Variants in B3GAT2 observed in about 807,000 individuals in gnomAD.
The protein encoded by B3GAT2 is beta-1,3-glucuronyltransferase 2.
In B3GAT2, 26 loss-of-function variants were observed where a neutral mutation model predicts 27.8. The observed-to-expected ratio is 0.93, with a 90% CI of 0.68 to 1.30. The LOEUF (loss-of-function observed/expected upper bound fraction) is 1.30. Ranked by LOEUF, B3GAT2 falls within the 50% of genes most tolerant of loss-of-function variation. B3GAT2 has a pLI of 0.00. For missense variants in B3GAT2, 458 were observed against 459.0 expected (o/e 1.00, Z 0.02); for synonymous variants, 218 against 195.1 (o/e 1.12, Z -0.98).
chr6:70,904,771 C>T (rs1252631607), intron 1 of B3GAT2, among the ~76,000 whole-genome samples: 2 of 152,118 alleles, frequency 1.3e-5, no homozygotes, highest in Non-Finnish European at 2.9e-5. Flanking sequence ...GTGTGTGTAG[C>T]TATTCTTGGG....
intron 1 of B3GAT2, among the ~76,000 whole-genome samples, chr6:70,954,915 C>T (rs964731464): frequency 1.7e-5 from 2 of 114,960 alleles, no homozygotes; most frequent in East Asian, 2.5e-4. Context: ...CCGGGGGCGG[C>T]GGGGGGGGGC....
At chr6:70,907,537 TTTCCTC>T (rs1481581792) in intron 1 of B3GAT2, among the ~76,000 whole-genome samples, 2 of 152,188 alleles carry the variant, frequency 1.3e-5, no homozygotes, top group East Asian at 1.9e-4. Flanking sequence ...GCTCAACACT[TTTCCTC>T]TTCCTAAGTT....
At chr6:70,942,555 G>A (rs1260586024) in intron 1 of B3GAT2, among the ~76,000 whole-genome samples, 1 of 152,002 alleles carries the variant, frequency 6.6e-6, no homozygotes, top group East Asian at 1.9e-4. Flanking sequence ...CTCCATTAGG[G>A]ACCTCTGCTT....
intron 1 of B3GAT2, among the ~76,000 whole-genome samples, chr6:70,926,827 G>T (rs1772969452): frequency 6.6e-6 from 1 of 152,070 alleles, no homozygotes; most frequent in Admixed American, 6.6e-5. Flanking sequence ...TACACAGAAC[G>T]CCACAAAGAT....
At position 70,861,474 on chromosome 6, in the gene B3GAT2, G is replaced by T. The variant is rs879580497; in HGVS notation, c.*189C>A. 74 of 589,584 alleles carry T rather than the reference G, an allele frequency of 1.3e-4. No individual in the cohort carries two copies. The highest frequency in any genetic ancestry group is 7.2e-4 in the Admixed American group (24 of 33,366). 36.5% of individuals were successfully genotyped at this position (589,584 alleles called of 1,614,324 possible). A position where few individuals can be genotyped will look rare whatever the true frequency, so the allele number is the denominator to read the frequency against. ...CAAATGAAGACAAAACATACATTTT[G>T]TACCAACCATCCAATTAGCTTATGT... On this transcript the variant is annotated 3_prime_UTR_variant, in exon 4 of 4. Coordinates refer to ENST00000230053, the MANE Select transcript of B3GAT2 (RefSeq NM_080742.3).
Position 70,858,022 on chromosome 6 carries a change from C to A in B3GAT2, c.*3641G>T. ...GCGTGCCTGTGCCTGCAGCTCCTGG[C>A]CTTATAGGAAATGTGATGGGACAGA... On this transcript the variant is annotated 3_prime_UTR_variant, in exon 4 of 4. Transcript: ENST00000230053. 1 of 1,614,124 alleles carries A rather than the reference C, an allele frequency of 6.2e-7. No homozygotes were observed. Among genetic ancestry groups the A allele is most frequent in the Non-Finnish European group, 8.5e-7 (1 of 1,180,014 alleles).
At chr6:70,955,779 C>T (rs1765644205) in intron 1 of B3GAT2, 60 bp downstream of exon 1, 2 of 1,484,868 alleles carry the variant, frequency 1.3e-6, no homozygotes, top group Non-Finnish European at 1.8e-6. Context: ...GACTGCAGCC[C>T]GGCCGGCCCG....
chr6:70,947,458 C>A (rs562832614), intron 1 of B3GAT2, among the ~76,000 whole-genome samples: 1 of 151,506 alleles, frequency 6.6e-6, no homozygotes. Context: ...AACACCTCTA[C>A]GCAAATAAAC....
chr6:70,940,375 A>C (rs1227100193), intron 1 of B3GAT2, among the ~76,000 whole-genome samples: 1 of 152,130 alleles, frequency 6.6e-6, no homozygotes. Context: ...GTGGACACAG[A>C]GAAGGCTGGC....
chr6:70,900,681 C>G (rs1772483521), intron 1 of B3GAT2, among the ~76,000 whole-genome samples: 1 of 152,216 alleles, frequency 6.6e-6, no homozygotes, highest in African/African-American at 2.4e-5. Context: ...AGATGGCTAA[C>G]AGCCAGCTCC....
intron 1 of B3GAT2, among the ~76,000 whole-genome samples, chr6:70,944,298 G>T (rs1349173429): frequency 6.6e-6 from 1 of 152,130 alleles, no homozygotes; most frequent in South Asian, 2.1e-4. Context: ...AAGCGCAAGG[G>T]GTCAGGGAGT....
chr6:70,899,696 T>C (rs1772462525), intron 1 of B3GAT2, among the ~76,000 whole-genome samples: 1 of 152,184 alleles, frequency 6.6e-6, no homozygotes, highest in South Asian at 2.1e-4. Flanking sequence ...ATATAGAGTG[T>C]GCCAGACATT....
intron 1 of B3GAT2, among the ~76,000 whole-genome samples, chr6:70,953,483 A>G (rs1026431838): frequency 6.6e-6 from 1 of 152,238 alleles, no homozygotes; most frequent in South Asian, 2.1e-4. Context: ...CAGCATACAT[A>G]TATGTCAAAC....
At position 70,956,539 on chromosome 6, in the gene B3GAT2, C is replaced by A. The variant is rs1765661263; in HGVS notation, c.-110G>T. The A allele has an allele frequency of 6.6e-7, 1 of 1,512,784 alleles. No homozygotes were observed. The highest frequency in any genetic ancestry group is 2.1e-5 in the Admixed American group (1 of 48,324). The allele number at this position is 1,512,784 out of a possible 1,614,324, so 93.7% of individuals were successfully genotyped here. A position where few individuals can be genotyped will look rare whatever the true frequency, so the allele number is the denominator to read the frequency against. ...AGCACTTAGGGAGTGGTGATGGGTG[C>A]GCTGTCCATGGGGCCGAGGGCGCTG... On this transcript the variant is annotated 5_prime_UTR_variant, in exon 1 of 4. Coordinates refer to ENST00000230053, the MANE Select transcript of B3GAT2 (RefSeq NM_080742.3).
chr6:70,883,925 A>G (rs1344522353), intron 2 of B3GAT2, among the ~76,000 whole-genome samples: 10 of 151,938 alleles, frequency 6.6e-5, no homozygotes, highest in African/African-American at 9.7e-5. Flanking sequence ...AGCGTTCCCA[A>G]ACTCTGTCAT....
chr6:70,893,466 G>C (rs1319516135), intron 2 of B3GAT2, among the ~76,000 whole-genome samples: 1 of 151,194 alleles, frequency 6.6e-6, no homozygotes, highest in East Asian at 1.9e-4. Context: ...AGTTATCACA[G>C]GCATCATTTT....
intron 1 of B3GAT2, among the ~76,000 whole-genome samples, chr6:70,900,409 C>CTT (rs56143825): frequency 1.4e-5 from 2 of 146,352 alleles, no homozygotes; most frequent in Admixed American, 1.4e-4. Flanking sequence ...ACAACCGGCT[C>CTT]TTTTTTTTTT....
chr6:70,909,896 C>T (rs568398196), intron 1 of B3GAT2, among the ~76,000 whole-genome samples: 14 of 152,074 alleles, frequency 9.2e-5, no homozygotes, highest in South Asian at 4.2e-4. Flanking sequence ...GTTTTTGAGA[C>T]GGAGTCTTGC....
At chr6:70,918,513 G>A (rs965585454) in intron 1 of B3GAT2, among the ~76,000 whole-genome samples, 1 of 152,160 alleles carries the variant, frequency 6.6e-6, no homozygotes, top group Non-Finnish European at 1.5e-5. Context: ...AATTTGTCAT[G>A]TTTTTGTAGT....
Sources: gnomAD v4.1 joint callset for allele counts (sites outside exome capture counted in the v4.1 genomes callset) on GRCh38, gnomAD v4.1.1 for gene constraint, MANE v1.5 for transcripts, NCBI Gene and HGNC (gene_info 2026-07-23, HGNC 2026-07-21) for gene names.